ETV5: variants seen among roughly 807,000 people sequenced by gnomAD.
ETV5 encodes ETS translocation variant 5.
In ETV5, 10 loss-of-function variants were observed where a neutral mutation model predicts 70.0. The ratio of observed to expected loss-of-function variants is 0.14; its 90% confidence interval spans 0.09 to 0.24. ETV5 has a LOEUF of 0.24. Among genes scored for constraint, ETV5 ranks in the 10% least tolerant of loss-of-function variants. ETV5 has a pLI of 1.00. For synonymous variants in ETV5, 216 were observed against 242.2 expected, an observed-to-expected ratio of 0.89 and a Z score of 1.01; for missense variants, 453 against 651.2, an observed-to-expected ratio of 0.70 and a Z score of 3.31.
chr3:186,066,308 T>C (rs1713445264), intron 7 of ETV5, among the ~76,000 whole-genome samples: 1 of 147,260 alleles, frequency 6.8e-6, no homozygotes, highest in African/African-American at 2.5e-5. Context: ...TAGCCTCTTA[T>C]CTTCCATGTA....
intron 9 of ETV5, among the ~76,000 whole-genome samples, chr3:186,062,528 A>G (rs1474972377): frequency 6.6e-6 from 1 of 152,188 alleles, no homozygotes; most frequent in Non-Finnish European, 1.5e-5. Flanking sequence ...AGGCTGAGGC[A>G]GGAGAATCAC....
At chr3:186,066,282 C>CAAAAAAAAAAAAAAA (rs1356517173) in intron 7 of ETV5, among the ~76,000 whole-genome samples, 5 of 44,878 alleles carry the variant, frequency 1.1e-4, no homozygotes, top group African/African-American at 1.6e-4. Context: ...AAAAAAAAAT[C>CAAAAAAAAAAAAAAA]AAAGCAATGA....
Position 186,057,016 on chromosome 3 carries a change from A to G in ETV5, c.1209+59T>C. ...AAAAGCCTCAATGGAAATCTAAACA[A>G]AAAACATCATCAACAACAACAAATC... On this transcript the variant is annotated intron_variant, in intron 11 of 12. Coordinates refer to ENST00000306376, the MANE Select transcript of ETV5 (RefSeq NM_004454.3). The surrounding 1 kb of genome is among the most constrained non-coding windows in gnomAD (Gnocchi z 4.9). The G allele has an allele frequency of 6.3e-7, 1 of 1,579,822 alleles. No homozygotes were observed. The highest frequency in any genetic ancestry group is 8.6e-7 in the Non-Finnish European group (1 of 1,157,854).
chr3:186,063,644 T>C (rs1429918038), intron 9 of ETV5, among the ~76,000 whole-genome samples: 1 of 152,216 alleles, frequency 6.6e-6, no homozygotes. Flanking sequence ...TAAACTGCTT[T>C]ATATCTGTTC....
At position 186,057,492 on chromosome 3, in the gene ETV5, C is replaced by A; in HGVS notation, c.971-1G>T. The A allele has an allele frequency of 6.2e-7, 1 of 1,612,716 alleles. No homozygotes were observed. Among genetic ancestry groups the A allele is most frequent in the Non-Finnish European group, 8.5e-7 (1 of 1,178,820 alleles). On this transcript the variant is annotated splice_acceptor_variant, in intron 9 of 12. Coordinates refer to ENST00000306376, the MANE Select transcript of ETV5 (RefSeq NM_004454.3). LOFTEE classifies it high-confidence loss of function. The surrounding 1 kb of genome is among the most constrained non-coding windows in gnomAD (Gnocchi z 4.9). ...CGGGGATCTTTTTCATATGAAAAAC[C>A]TGAAAGAGAATTTAAAAGAAAGACT...
At chr3:186,088,897 G>C (rs751719165) in intron 5 of ETV5, among the ~76,000 whole-genome samples, 4 of 152,070 alleles carry the variant, frequency 2.6e-5, no homozygotes, top group Non-Finnish European at 5.9e-5. Context: ...CAAATACCTA[G>C]TTAGCAGGAA....
intron 5 of ETV5, among the ~76,000 whole-genome samples, chr3:186,103,103 T>A (rs1252115286): frequency 1.3e-5 from 2 of 152,164 alleles, no homozygotes; most frequent in African/African-American, 4.8e-5. Context: ...TAGTCAACCA[T>A]CTCTTTTATC....
At chr3:186,094,433 G>A (rs1172202811) in intron 5 of ETV5, among the ~76,000 whole-genome samples, 1 of 152,198 alleles carries the variant, frequency 6.6e-6, no homozygotes, top group Non-Finnish European at 1.5e-5. Flanking sequence ...GCCAATGGTA[G>A]TAGAGTGATT....
intron 5 of ETV5, among the ~76,000 whole-genome samples, chr3:186,098,840 T>G (rs1000504728): frequency 6.6e-6 from 1 of 152,194 alleles, no homozygotes; most frequent in Non-Finnish European, 1.5e-5. Context: ...AAATGTCTTA[T>G]GTATGCTTCT....
chr3:186,103,081 C>A (rs1197209334), intron 5 of ETV5, among the ~76,000 whole-genome samples: 1 of 152,152 alleles, frequency 6.6e-6, no homozygotes, highest in Non-Finnish European at 1.5e-5. Flanking sequence ...CATTAGAAGA[C>A]CTTTTCTAGG....
chr3:186,072,314 G>A (rs76052230), intron 7 of ETV5, among the ~76,000 whole-genome samples: 5,511 of 151,812 alleles, frequency 0.036, 119 homozygotes, highest in African/African-American at 0.053. Flanking sequence ...CCCGAGAGGT[G>A]GAGGCCAAGA....
intron 7 of ETV5, among the ~76,000 whole-genome samples, chr3:186,078,628 A>G (rs1213484328): frequency 6.6e-6 from 1 of 152,134 alleles, no homozygotes; most frequent in Non-Finnish European, 1.5e-5. Context: ...AATTGCCAAA[A>G]GCTCAGCGGC....
chr3:186,091,032 C>T (rs1714169974), intron 5 of ETV5, among the ~76,000 whole-genome samples: 1 of 152,160 alleles, frequency 6.6e-6, no homozygotes, highest in Non-Finnish European at 1.5e-5. Flanking sequence ...GAATCAAGGC[C>T]CTCCATACGA....
Position 186,105,429 on chromosome 3 carries a change from A to G in ETV5, c.181+20T>C. The G allele has an allele frequency of 6.2e-7, 1 of 1,613,586 alleles. No individual in the cohort carries two copies. Among genetic ancestry groups the G allele is most frequent in the East Asian group, 2.2e-5 (1 of 44,886 alleles). ...CAGTAAAATGTTTTATATGGAAAAT[A>G]GGACATCCATGAAACTTGCCTTCAG... On this transcript the variant is annotated intron_variant, in intron 4 of 12. Transcript: ENST00000306376. This position sits in a 1 kb window ranked among gnomAD's most constrained non-coding sequence, Gnocchi z 4.5.
chr3:186,070,195 C>A (rs1713567731), intron 7 of ETV5, among the ~76,000 whole-genome samples: 1 of 152,220 alleles, frequency 6.6e-6, no homozygotes, highest in Admixed American at 6.5e-5. Context: ...CTTCCATTTT[C>A]TCTCCCTTTC....
intron 9 of ETV5, among the ~76,000 whole-genome samples, chr3:186,059,007 T>A (rs1369897931): frequency 1.4e-5 from 2 of 143,484 alleles, no homozygotes; most frequent in African/African-American, 2.6e-5. Flanking sequence ...AGAGAGGCTC[T>A]GTCTCAAAAA....
intron 5 of ETV5, among the ~76,000 whole-genome samples, chr3:186,093,922 G>A (rs1362437867): frequency 6.6e-6 from 1 of 152,204 alleles, no homozygotes; most frequent in Non-Finnish European, 1.5e-5. Context: ...AGGCTGAGAA[G>A]GCCCAGGGAA....
At chr3:186,097,341 C>A (rs1254532599) in intron 5 of ETV5, among the ~76,000 whole-genome samples, 1 of 152,130 alleles carries the variant, frequency 6.6e-6, no homozygotes, top group African/African-American at 2.4e-5. Flanking sequence ...AACTTTGTCT[C>A]CCCCTGTGTT....
intron 5 of ETV5, among the ~76,000 whole-genome samples, chr3:186,092,864 C>T (rs1170207838): frequency 6.6e-6 from 1 of 152,122 alleles, no homozygotes; most frequent in Non-Finnish European, 1.5e-5. Context: ...GCTATGCACT[C>T]GAGCTGACGA....
Sources: allele counts gnomAD v4.1 joint callset (sites outside exome capture counted in the v4.1 genomes callset), GRCh38; gene constraint gnomAD v4.1.1; non-coding constraint Gnocchi (gnomAD v3.1); transcripts MANE v1.5; gene names NCBI Gene and HGNC (gene_info 2026-07-23, HGNC 2026-07-21).